The following DACH1 variants were observed in gnomAD, a reference collection of about 807,000 sequenced individuals.
DACH1 encodes dachshund homolog 1.
A neutral mutation model predicts 54.2 loss-of-function variants in DACH1; 12 were observed. That is an observed-to-expected ratio of 0.22 (90% CI 0.14 to 0.36). The LOEUF (loss-of-function observed/expected upper bound fraction) is 0.36. Ranked by LOEUF, DACH1 falls within the 10% of genes least tolerant of loss-of-function variation. The pLI, the probability that DACH1 is intolerant of heterozygous loss-of-function variation, is 1.00. For missense variants in DACH1, 805 were observed against 929.8 expected (o/e 0.87, Z 1.75); for synonymous variants, 386 against 366.2 (o/e 1.05, Z -0.62).
chr13:71,667,718 G>C (rs1336345400), intron 2 of DACH1, among the ~76,000 whole-genome samples: 1 of 152,044 alleles, frequency 6.6e-6, no homozygotes, highest in Non-Finnish European at 1.5e-5. Context: ...TATGGTAACA[G>C]GTTCTCCTTG....
chr13:71,866,317 G>A lies in DACH1; in HGVS notation c.453C>T (p.Ser151=), dbSNP rs752277058. Residue 151 remains serine, a synonymous_variant, in exon 1 of 11, where the codon AGC becomes AGT. Coordinates refer to ENST00000613252, the MANE Select transcript of DACH1 (RefSeq NM_080759.6). ...SSSSSSSSSS[S]SSSSSSSSSS... Reference sequence around the variant, plus strand: ...TACTGCTGCTGCTGCTACTACTGCTGCTGCTGCTGCTGCTGCTACTGCTGC... The same window carrying A: ...TACTGCTGCTGCTGCTACTACTGCTACTGCTGCTGCTGCTGCTACTGCTGC... 2.6e-6 allele frequency: 4 copies of A among 1,542,704 alleles called. No homozygotes were observed. Among genetic ancestry groups the A allele is most frequent in the Middle Eastern group, 2.1e-4 (1 of 4,820 alleles).
chr13:71,517,528 C>G (rs1881254087), intron 6 of DACH1, among the ~76,000 whole-genome samples: 1 of 151,810 alleles, frequency 6.6e-6, no homozygotes. Context: ...ACTACATTAT[C>G]TTTCACTACA....
At chr13:71,797,890 A>G (rs1025195986) in intron 1 of DACH1, among the ~76,000 whole-genome samples, 11 of 152,144 alleles carry the variant, frequency 7.2e-5, no homozygotes, top group African/African-American at 2.2e-4. Flanking sequence ...CTCCTTCTAT[A>G]TAAGGATCTG....
chr13:71,736,939 A>G (rs1019284649), intron 1 of DACH1, among the ~76,000 whole-genome samples: 9 of 152,174 alleles, frequency 5.9e-5, no homozygotes, highest in African/African-American at 2.2e-4. Context: ...ACCATATACA[A>G]TCTGATAAAT....
intron 1 of DACH1, among the ~76,000 whole-genome samples, chr13:71,779,234 T>C (rs1886244451): frequency 1.2e-5 from 1 of 83,662 alleles, no homozygotes; most frequent in Non-Finnish European, 2.2e-5. Context: ...TACGTATATA[T>C]ACACATATAT....
chr13:71,685,212 T>A (rs1450756909), intron 1 of DACH1, among the ~76,000 whole-genome samples: 1 of 152,164 alleles, frequency 6.6e-6, no homozygotes, highest in Non-Finnish European at 1.5e-5. Context: ...GTGGGCTCCT[T>A]TCACCACAGA....
intron 1 of DACH1, among the ~76,000 whole-genome samples, chr13:71,815,277 G>C (rs546403629): frequency 1.5e-5 from 2 of 131,312 alleles, no homozygotes; most frequent in Non-Finnish European, 3.1e-5. Context: ...ACCACAGACT[G>C]TTTTCTAGGT....
Position 71,489,112 on chromosome 13 carries a change from C to T in DACH1, c.1607G>A (p.Ser536Asn), listed in dbSNP as rs200521237. 1.2e-4 allele frequency: 190 copies of T among 1,613,514 alleles called. No homozygotes were observed. The highest frequency in any genetic ancestry group is 1.5e-4 in the Non-Finnish European group (172 of 1,179,722). Residue 536 changes from serine to asparagine, a missense_variant, in exon 7 of 11, where the codon AGC becomes AAC. Coordinates refer to ENST00000613252, the MANE Select transcript of DACH1 (RefSeq NM_080759.6). ...TPLSTPTARD[S>N]LDKLSLTGHG... Reference sequence around the variant, plus strand: ...CCCAGTTAGAGAGAGTTTGTCAAGGCTGTCTCTTGCGGTTGGTGTAGAAAG... The same window carrying T: ...CCCAGTTAGAGAGAGTTTGTCAAGGTTGTCTCTTGCGGTTGGTGTAGAAAG...
chr13:71,555,182 G>C (rs1593886156), intron 6 of DACH1, among the ~76,000 whole-genome samples: 1 of 152,212 alleles, frequency 6.6e-6, no homozygotes, highest in East Asian at 1.9e-4. Context: ...ATTGAGAAAA[G>C]AGTGACTCAA....
At chr13:71,691,981 G>A (rs987845367) in intron 1 of DACH1, among the ~76,000 whole-genome samples, 5 of 149,050 alleles carry the variant, frequency 3.4e-5, no homozygotes, top group African/African-American at 5.0e-5. Context: ...GCTAAGTAAC[G>A]AAACAGCCAT....
intron 1 of DACH1, among the ~76,000 whole-genome samples, chr13:71,692,502 TTTCC>T: frequency 7.5e-6 from 1 of 134,038 alleles, no homozygotes; most frequent in African/African-American, 2.7e-5. Context: ...CTTTCTTTTC[TTTCC>T]TTTTTTTTTT....
At chr13:71,592,562 C>T (rs1873812750) in intron 3 of DACH1, among the ~76,000 whole-genome samples, 1 of 147,272 alleles carries the variant, frequency 6.8e-6, no homozygotes, top group African/African-American at 2.5e-5. Context: ...GAGAATTTAC[C>T]ATGCCAATTT....
chr13:71,614,961 T>C (rs563010117), intron 3 of DACH1, among the ~76,000 whole-genome samples: 154 of 151,762 alleles, frequency 1.0e-3, no homozygotes, highest in African/African-American at 3.4e-3. Context: ...CTAAGTCTTC[T>C]GAAGATAACG....
At chr13:71,524,703 T>A (rs1467380430) in intron 6 of DACH1, among the ~76,000 whole-genome samples, 1 of 152,104 alleles carries the variant, frequency 6.6e-6, no homozygotes, top group Non-Finnish European at 1.5e-5. Flanking sequence ...GAGAGCTTAT[T>A]GAGAGCATAT....
At chr13:71,551,578 T>C (rs2138358280) in intron 6 of DACH1, among the ~76,000 whole-genome samples, 1 of 152,260 alleles carries the variant, frequency 6.6e-6, no homozygotes, top group East Asian at 1.9e-4. Context: ...TTATCTCACG[T>C]AACACAATGA....
intron 2 of DACH1, among the ~76,000 whole-genome samples, chr13:71,671,382 C>T (rs943375729): frequency 6.6e-6 from 1 of 151,672 alleles, no homozygotes; most frequent in Non-Finnish European, 1.5e-5. Flanking sequence ...GTAGCAAGTA[C>T]GATTGCTTAA....
At chr13:71,638,496 C>T (rs1237516584) in intron 2 of DACH1, among the ~76,000 whole-genome samples, 1 of 152,122 alleles carries the variant, frequency 6.6e-6, no homozygotes, top group African/African-American at 2.4e-5. Context: ...TATTCATATA[C>T]ATGATACATC....
intron 3 of DACH1, among the ~76,000 whole-genome samples, chr13:71,591,789 C>T (rs1170997396): frequency 1.3e-5 from 2 of 152,104 alleles, no homozygotes; most frequent in African/African-American, 4.8e-5. Context: ...GTATTTAGAA[C>T]ATCCAGGTTA....
chr13:71,721,538 C>A (rs1295580617), intron 1 of DACH1, among the ~76,000 whole-genome samples: 2 of 152,088 alleles, frequency 1.3e-5, no homozygotes, highest in Non-Finnish European at 2.9e-5. Context: ...TTAGAGGCTT[C>A]TGATAGCAAT....
Sources: gnomAD v4.1 joint callset for allele counts (sites outside exome capture counted in the v4.1 genomes callset) on GRCh38, gnomAD v4.1.1 for gene constraint, MANE v1.5 for transcripts, NCBI Gene and HGNC (gene_info 2026-07-23, HGNC 2026-07-21) for gene names.